ITPR1: variants seen among roughly 807,000 people sequenced by gnomAD.
ITPR1 encodes the protein inositol 1,4,5-trisphosphate receptor type 1.
In ITPR1, 96 loss-of-function variants were observed where a neutral mutation model predicts 318.4. The observed-to-expected ratio is 0.30, with a 90% CI of 0.26 to 0.36. The LOEUF (loss-of-function observed/expected upper bound fraction) is 0.36. Ranked by LOEUF, ITPR1 falls within the 10% of genes least tolerant of loss-of-function variation. The pLI, the probability that ITPR1 is intolerant of heterozygous loss-of-function variation, is 1.00. For missense variants in ITPR1, 2,440 were observed against 3,460.2 expected, an observed-to-expected ratio of 0.71 and a Z score of 7.40; for synonymous variants, 1,312 against 1,289.9, an observed-to-expected ratio of 1.02 and a Z score of -0.37.
intron 6 of ITPR1, among the ~76,000 whole-genome samples, chr3:4,640,144 C>T (rs2093303803): frequency 6.6e-6 from 1 of 152,162 alleles, no homozygotes; most frequent in Non-Finnish European, 1.5e-5. Context: ...TAGTAGTTAC[C>T]AACTATTGAG....
chr3:4,680,568 A>T lies in ITPR1; in HGVS notation c.2983A>T (p.Arg995Trp). ...GAATCTTTAGTTTATTTTGAATGTG[A>T]GGTTGGATTATAGGATCTCCTGCCT... Reference protein sequence around the residue: ...IEILQFILNVRLDYRISCLLC... With the variant: ...IEILQFILNVWLDYRISCLLC... Residue 995 changes from arginine to tryptophan, a missense_variant, in exon 25 of 62, where the codon AGG becomes TGG. Coordinates refer to ENST00000649015, the MANE Select transcript of ITPR1 (RefSeq NM_001378452.1). 6.2e-7 allele frequency: 1 copy of T among 1,613,130 alleles called. No individual in the cohort carries two copies. The highest frequency in any genetic ancestry group is 8.5e-7 in the Non-Finnish European group (1 of 1,179,200).
At chr3:4,583,393 A>G (rs1382835362) in intron 4 of ITPR1, among the ~76,000 whole-genome samples, 1 of 151,710 alleles carries the variant, frequency 6.6e-6, no homozygotes, top group Non-Finnish European at 1.5e-5. Context: ...AGTTTGTGTT[A>G]TGTGTTTCAC....
At chr3:4,627,110 C>T (rs757234828) in intron 4 of ITPR1, among the ~76,000 whole-genome samples, 1 of 151,984 alleles carries the variant, frequency 6.6e-6, no homozygotes, top group Non-Finnish European at 1.5e-5. Context: ...CATGAGCCAC[C>T]GTGCCGGGCC....
chr3:4,627,724 C>A, intron 4 of ITPR1, 39 bp from the exon 5 acceptor site: 1 of 1,273,904 alleles, frequency 7.8e-7, no homozygotes, highest in Non-Finnish European at 1.1e-6. Flanking sequence ...TCTCTATACA[C>A]CCTCAATGGC....
chr3:4,747,951 A>G (rs376108310), intron 44 of ITPR1, among the ~76,000 whole-genome samples: 14 of 152,368 alleles, frequency 9.2e-5, no homozygotes, highest in African/African-American at 2.9e-4. Context: ...GAGAAGCTAA[A>G]TGCACCAGAT....
intron 4 of ITPR1, among the ~76,000 whole-genome samples, chr3:4,582,191 G>A (rs73102490): frequency 0.16 from 23,835 of 151,988 alleles, 2,415 homozygotes; most frequent in African/African-American, 0.29. Flanking sequence ...GAGCTCAGAG[G>A]TTAGATACCG....
In ITPR1 at chr3:4,677,845, C is replaced by G. The variant is rs111296528; in HGVS notation, c.2967+1044C>G. Among the ~76,000 whole-genome samples the G allele has an allele frequency of 8.3e-3, 1,248 of 151,176 alleles. 18 individuals carry two copies. The highest frequency in any genetic ancestry group is 0.028 in the African/African-American group (1,171 of 41,188). The stretch of plus-strand genomic sequence containing the variant: ...TGTAAGAGCAAAGTCCTTCTGTAGG[C>G]AAGCGGGGGTGGAATCTAGTATATA... On this transcript the variant is annotated intron_variant, in intron 24 of 61. Transcript: ENST00000649015.
rs181310639 is a variant in ITPR1, at chr3:4,715,388, C to T, written c.5104-1979C>T. Among the ~76,000 whole-genome samples the T allele has an allele frequency of 1.4e-4, 22 of 152,324 alleles. No homozygotes were observed. The East Asian group carries it at 3.3e-3, about 23-fold the overall frequency. On this transcript the variant is annotated intron_variant, in intron 39 of 61. Coordinates refer to ENST00000649015, the MANE Select transcript of ITPR1 (RefSeq NM_001378452.1). ...TTCAGCTCATTGCTGATTTTTCACACAGTTGAGAACACTCTCCAATAGACG... is the reference window on the plus strand; with the variant it reads ...TTCAGCTCATTGCTGATTTTTCACATAGTTGAGAACACTCTCCAATAGACG...
intron 11 of ITPR1, 102 bp from the exon 12 acceptor site, chr3:4,653,740 C>G (rs905652999): frequency 1.3e-6 from 1 of 750,106 alleles, no homozygotes; most frequent in East Asian, 2.7e-5. Context: ...AAGTTCTTAG[C>G]TGTTCAAGGA....
At chr3:4,670,257 A>G (rs1457704234) in intron 19 of ITPR1, among the ~76,000 whole-genome samples, 4 of 152,228 alleles carry the variant, frequency 2.6e-5, no homozygotes, top group Non-Finnish European at 4.4e-5. Context: ...GGTAATATGG[A>G]CAGCCTTAAA....
chr3:4,836,756 T>TA lies in ITPR1; in HGVS notation c.8029-18_8029-17insA. 7.7e-7 allele frequency: 1 copy of TA among 1,294,496 alleles called. No individual in the cohort carries two copies. The highest frequency in any genetic ancestry group is 9.9e-7 in the Non-Finnish European group (1 of 1,008,082). 80.2% of individuals were successfully genotyped at this position (1,294,496 alleles called of 1,614,324 possible). A position where few individuals can be genotyped will look rare whatever the true frequency, so the allele number is the denominator to read the frequency against. ...CAGTCTTTTTTTTTTTTTTTTTTTT[T>TA]TTTAATGTGGATTCTAGGAAAGAAA... is the stretch of plus-strand genomic sequence containing the variant. On this transcript the variant is annotated splice_polypyrimidine_tract_variant and intron_variant, in intron 60 of 61. Coordinates refer to ENST00000649015, the MANE Select transcript of ITPR1 (RefSeq NM_001378452.1).
At chr3:4,724,479 G>A (rs913547898) in intron 40 of ITPR1, 1 of 152,288 alleles carries the variant, frequency 6.6e-6, no homozygotes, top group Non-Finnish European at 1.5e-5. Context: ...TGGCCCTGAG[G>A]TGAGTGTGCT....
At chr3:4,597,846 T>A (rs1313436370) in intron 4 of ITPR1, among the ~76,000 whole-genome samples, 1 of 152,202 alleles carries the variant, frequency 6.6e-6, no homozygotes, top group Non-Finnish European at 1.5e-5. Flanking sequence ...GAGTTTAAAG[T>A]ATACAGAGTC....
Position 4,768,250 on chromosome 3 carries a change from A to G in ITPR1, c.5726-261A>G, listed in dbSNP as rs1387704981. ...AGAACCTTAGATGTGTGAGGCTGAC[A>G]GAACCTGTGCTGAGGCTTTTCCTCT... On this transcript the variant is annotated intron_variant, in intron 45 of 61. Coordinates refer to ENST00000649015, the MANE Select transcript of ITPR1 (RefSeq NM_001378452.1). 8.3e-6 allele frequency: 3 copies of G among 363,212 alleles called. No homozygotes were observed. The East Asian group carries it at 1.3e-4, about 15-fold the overall frequency. 22.5% of individuals were successfully genotyped at this position (363,212 alleles called of 1,614,324 possible). A position where few individuals can be genotyped will look rare whatever the true frequency, so the allele number is the denominator to read the frequency against.
chr3:4,664,748 C>G (rs1259919222), intron 16 of ITPR1, among the ~76,000 whole-genome samples: 3 of 152,250 alleles, frequency 2.0e-5, no homozygotes, highest in Non-Finnish European at 2.9e-5. Context: ...TTCATCCTTA[C>G]TACACCTCTG....
chr3:4,757,776 C>T (rs56160460), intron 44 of ITPR1, among the ~76,000 whole-genome samples: 20,054 of 152,200 alleles, frequency 0.13, 1,650 homozygotes, highest in Middle Eastern at 0.22. Context: ...GTTCAGTTGC[C>T]GTTCACTATA....
chr3:4,538,951 TGATAGGA>T (rs763961399), intron 4 of ITPR1, among the ~76,000 whole-genome samples: 13 of 152,238 alleles, frequency 8.5e-5, no homozygotes, highest in Non-Finnish European at 1.8e-4. Flanking sequence ...GGTGATAGGT[TGATAGGA>T]GTAGCAAACC....
rs576981792 is a variant in ITPR1, at chr3:4,510,214, G to A, written c.-16-6262G>A. Among the ~76,000 whole-genome samples the A allele has an allele frequency of 4.0e-4, 61 of 152,284 alleles. No homozygotes were observed. In the South Asian group the frequency reaches 4.6e-3, roughly 11 times the overall value. On this transcript the variant is annotated intron_variant, in intron 2 of 61. Coordinates refer to ENST00000649015, the MANE Select transcript of ITPR1 (RefSeq NM_001378452.1). ...TGCAAAGGCCCAGGGAACAGAGCAT[G>A]GTGGGGGCCCTGGAAAAAAAATCAT...
intron 55 of ITPR1, among the ~76,000 whole-genome samples, 162 bp from the exon 56 acceptor site, chr3:4,811,103 G>C (rs112248912): frequency 6.6e-6 from 1 of 151,988 alleles, no homozygotes; most frequent in Non-Finnish European, 1.5e-5. Context: ...TACCATCTCC[G>C]TTTCACTGTG....
Sources: gnomAD v4.1 joint callset for allele counts (sites outside exome capture counted in the v4.1 genomes callset) on GRCh38, gnomAD v4.1.1 for gene constraint, MANE v1.5 for transcripts, NCBI Gene and HGNC (gene_info 2026-07-23, HGNC 2026-07-21) for gene names.